SFMBT2: variants seen among roughly 807,000 people sequenced by gnomAD.
SFMBT2 encodes the protein Scm like with four mbt domains 2.
SFMBT2 carries 38 observed loss-of-function variants against 110.1 expected under a neutral mutation model. The observed-to-expected ratio is 0.35, with a 90% CI of 0.27 to 0.45. The LOEUF is 0.45. Among genes scored for constraint, SFMBT2 ranks in the 20% least tolerant of loss-of-function variants. SFMBT2 has a pLI of 1.00. For missense variants in SFMBT2, 1,011 were observed against 1,094.9 expected (o/e 0.92, Z 1.08); for synonymous variants, 425 against 425.4 (o/e 1.00, Z 0.01).
Position 7,172,812 on chromosome 10 carries a change from A to C in SFMBT2, c.1985-151T>G, listed in dbSNP as rs1489261596. On this transcript the variant is annotated intron_variant, in intron 17 of 20. Transcript: ENST00000397167. This position sits in a 1 kb window ranked among gnomAD's most constrained non-coding sequence, Gnocchi z 4.6. The stretch of plus-strand genomic sequence containing the variant: ...TTCTGAGAAAACAGACCCACAGGAG[A>C]AGCACTGCTCCAAAGCTTCAGGTCT... The C allele has an allele frequency of 9.9e-7, 1 of 1,013,732 alleles. No homozygotes were observed. The highest frequency in any genetic ancestry group is 1.4e-6 in the Non-Finnish European group (1 of 706,214). The allele number at this position is 1,013,732 out of a possible 1,614,324, so 62.8% of individuals were successfully genotyped here. A position where few individuals can be genotyped will look rare whatever the true frequency, so the allele number is the denominator to read the frequency against.
At chr10:7,266,922 AG>A (rs1395363585) in intron 7 of SFMBT2, among the ~76,000 whole-genome samples, 1 of 151,942 alleles carries the variant, frequency 6.6e-6, no homozygotes, top group Non-Finnish European at 1.5e-5. Context: ...CTCGCCTGCA[AG>A]GGGGGGTCTG....
At chr10:7,340,292 T>C (rs1259279771) in intron 4 of SFMBT2, among the ~76,000 whole-genome samples, 1 of 151,134 alleles carries the variant, frequency 6.6e-6, no homozygotes, top group Non-Finnish European at 1.5e-5. Flanking sequence ...GCTGAGTAGG[T>C]GAGGAGGAGG....
At chr10:7,228,837 T>A (rs953131096) in intron 9 of SFMBT2, among the ~76,000 whole-genome samples, 11 of 150,606 alleles carry the variant, frequency 7.3e-5, no homozygotes, top group African/African-American at 2.4e-4. Flanking sequence ...GGGGGGAAGA[T>A]GCAACTATAT....
At chr10:7,261,775 A>G (rs1252267814) in intron 7 of SFMBT2, among the ~76,000 whole-genome samples, 1 of 152,234 alleles carries the variant, frequency 6.6e-6, no homozygotes, top group Non-Finnish European at 1.5e-5. Flanking sequence ...TTTATCTGAC[A>G]TGTTCGTGCT....
Position 7,227,876 on chromosome 10 carries a change from G to A in SFMBT2, c.1182C>T (p.Ala394=). ...TTACATTTCGGAAGCAGAAGGGAGG[G>A]GCTTCCTGCGCCCCATGCTGCTTGT... is the stretch of plus-strand genomic sequence containing the variant. The part of the protein sequence containing the change: ...DYHKQHGAQE[A]PPFCFRNTSF... The change falls in exon 10 of 21, where the codon GCC becomes GCT. Residue 394 remains alanine (A), a synonymous_variant. Transcript: ENST00000397167. 6.2e-7 allele frequency: 1 copy of A among 1,609,116 alleles called. No individual in the cohort carries two copies. The highest frequency in any genetic ancestry group is 8.5e-7 in the Non-Finnish European group (1 of 1,178,530).
intron 4 of SFMBT2, among the ~76,000 whole-genome samples, chr10:7,303,733 A>G (rs1179550879): frequency 1.3e-5 from 2 of 152,140 alleles, no homozygotes; most frequent in African/African-American, 4.8e-5. Context: ...CAAAATTCTT[A>G]TTTCTTTAGA....
intron 2 of SFMBT2, among the ~76,000 whole-genome samples, chr10:7,373,886 AG>A (rs1845130049): frequency 6.6e-6 from 1 of 152,234 alleles, no homozygotes; most frequent in Admixed American, 6.5e-5. Flanking sequence ...AGGAGGCACA[AG>A]GTTCTACGTA....
rs116394322 is a variant in SFMBT2 at position 7,313,695 on chromosome 10, G to A, written c.437-27741C>T. Among the ~76,000 whole-genome samples, 779 of 152,224 alleles carry A rather than the reference G, an allele frequency of 5.1e-3. 3 individuals are homozygous for A. Among genetic ancestry groups the A allele is most frequent in the African/African-American group, 0.016 (670 of 41,518 alleles). On this transcript the variant is annotated intron_variant, in intron 4 of 20. Transcript: ENST00000397167. ...ATGGGGGTCTCACTTTGTTGCCCGG[G>A]CTGGTCTTGAACTCCTTGGCTTGAG...
At chr10:7,197,951 G>GA (rs1213084917) in intron 14 of SFMBT2, 1 of 980,250 alleles carries the variant, frequency 1.0e-6, no homozygotes, top group East Asian at 1.1e-4. Flanking sequence ...AAAAACAGAT[G>GA]ATTTTCTTCT....
intron 4 of SFMBT2, among the ~76,000 whole-genome samples, chr10:7,326,560 A>G (rs1407824710): frequency 6.6e-6 from 1 of 152,200 alleles, no homozygotes; most frequent in Non-Finnish European, 1.5e-5. Flanking sequence ...AAGACCCACA[A>G]CACGTCTGGC....
At chr10:7,347,776 C>T (rs1258887133) in intron 4 of SFMBT2, among the ~76,000 whole-genome samples, 1 of 152,100 alleles carries the variant, frequency 6.6e-6, no homozygotes, top group African/African-American at 2.4e-5. Flanking sequence ...AGGGCCACGG[C>T]CAATTATGGT....
intron 4 of SFMBT2, among the ~76,000 whole-genome samples, chr10:7,350,818 T>C (rs990985175): frequency 1.3e-5 from 2 of 152,216 alleles, no homozygotes; most frequent in South Asian, 2.1e-4. Context: ...ACCTACTTGG[T>C]AGACACCAAA....
At position 7,408,078 on chromosome 10, in the gene SFMBT2, C is replaced by G. The variant is rs1457863724; in HGVS notation, c.-52+2783G>C. ...TCCACGGCACGGCCTCGTGCAAAAT[C>G]GCGGGTTTCGGGGCCTTGGAGCAAA... On this transcript the variant is annotated intron_variant, in intron 1 of 20. Transcript: ENST00000397167. This position sits in a 1 kb window ranked among gnomAD's most constrained non-coding sequence, Gnocchi z 5.7. 2.0e-5 allele frequency among the ~76,000 whole-genome samples: 3 copies of G among 152,246 alleles called. No individual in the cohort carries two copies.
At chr10:7,313,310 T>C (rs906645590) in intron 4 of SFMBT2, among the ~76,000 whole-genome samples, 43 of 152,112 alleles carry the variant, frequency 2.8e-4, no homozygotes, top group African/African-American at 9.9e-4. Flanking sequence ...AATATAATAT[T>C]CAACATTGAC....
At chr10:7,263,547 C>T (rs1841284111) in intron 7 of SFMBT2, among the ~76,000 whole-genome samples, 2 of 152,182 alleles carry the variant, frequency 1.3e-5, no homozygotes, top group South Asian at 4.1e-4. Context: ...CGGCCAACAG[C>T]CTCTATTTCA....
chr10:7,223,894 T>C (rs762028006), intron 10 of SFMBT2, among the ~76,000 whole-genome samples: 1 of 152,248 alleles, frequency 6.6e-6, no homozygotes, highest in Non-Finnish European at 1.5e-5. Context: ...CCGAGGCTGC[T>C]GGTCTCACGA....
chr10:7,253,481 G>A (rs540689096), intron 7 of SFMBT2, among the ~76,000 whole-genome samples: 150 of 152,254 alleles, frequency 9.9e-4, no homozygotes, highest in Non-Finnish European at 1.6e-3. Flanking sequence ...GGTTGGTGTG[G>A]AAAAAACCCA....
chr10:7,372,782 C>A (rs908254215), intron 2 of SFMBT2, among the ~76,000 whole-genome samples: 1 of 152,238 alleles, frequency 6.6e-6, no homozygotes, highest in South Asian at 2.1e-4. Flanking sequence ...TCTGCCCCAA[C>A]GTCCTGATGC....
intron 7 of SFMBT2, among the ~76,000 whole-genome samples, chr10:7,271,782 C>G (rs1841593823): frequency 6.6e-6 from 1 of 152,180 alleles, no homozygotes; most frequent in Non-Finnish European, 1.5e-5. Flanking sequence ...AAATGAAAGG[C>G]ACGTCTCACA....
Sources: allele counts gnomAD v4.1 joint callset (sites outside exome capture counted in the v4.1 genomes callset), GRCh38; gene constraint gnomAD v4.1.1; non-coding constraint Gnocchi (gnomAD v3.1); transcripts MANE v1.5; gene names NCBI Gene and HGNC (gene_info 2026-07-23, HGNC 2026-07-21).